Variants in SH3BP4 observed in about 807,000 individuals in gnomAD.
SH3BP4 encodes SH3 domain-binding protein 4.
A neutral mutation model predicts 65.5 loss-of-function variants in SH3BP4; 33 were observed. The observed-to-expected ratio is 0.50, with a 90% CI of 0.38 to 0.67. The LOEUF is 0.67. SH3BP4 is among the 30% of genes least tolerant of loss of function. The pLI is 0.00. For missense variants in SH3BP4, 1,134 were observed against 1,261.4 expected, an observed-to-expected ratio of 0.90 and a Z score of 1.53; for synonymous variants, 552 against 545.5, an observed-to-expected ratio of 1.01 and a Z score of -0.17.
At chr2:235,015,640 G>A (rs1310314392) in intron 2 of SH3BP4, among the ~76,000 whole-genome samples, 4 of 152,322 alleles carry the variant, frequency 2.6e-5, no homozygotes, top group South Asian at 2.1e-4. Flanking sequence ...GTGAGCCAGC[G>A]TTTCCCAGGC....
intron 1 of SH3BP4, among the ~76,000 whole-genome samples, chr2:234,957,359 T>C (rs751768494): frequency 7.9e-5 from 12 of 152,074 alleles, no homozygotes; most frequent in Non-Finnish European, 1.3e-4. Flanking sequence ...CATTACTAAA[T>C]AGTTAACAAT....
chr2:235,003,143 G>A (rs922679846), intron 2 of SH3BP4, among the ~76,000 whole-genome samples: 7 of 152,240 alleles, frequency 4.6e-5, no homozygotes, highest in East Asian at 1.9e-4. Flanking sequence ...GCTTCTGATC[G>A]AATAAGCCCA....
At chr2:235,003,895 G>C (rs937170035) in intron 2 of SH3BP4, among the ~76,000 whole-genome samples, 1 of 152,182 alleles carries the variant, frequency 6.6e-6, no homozygotes, top group Non-Finnish European at 1.5e-5. Context: ...GCTGGTTTGA[G>C]TTGGGTTTTG....
intron 1 of SH3BP4, among the ~76,000 whole-genome samples, chr2:234,954,536 T>C (rs1559221643): frequency 6.6e-6 from 1 of 152,186 alleles, no homozygotes; most frequent in South Asian, 2.1e-4. Context: ...CCTTGTCTGT[T>C]CATGTATTGT....
intron 3 of SH3BP4, among the ~76,000 whole-genome samples, chr2:235,038,377 A>AT (rs1559254657): frequency 6.4e-5 from 1 of 15,748 alleles, no homozygotes; most frequent in Admixed American, 7.6e-4. Flanking sequence ...ATATATATAC[A>AT]TATATATATA....
intron 2 of SH3BP4, among the ~76,000 whole-genome samples, chr2:235,001,160 T>C (rs1694084815): frequency 6.6e-6 from 1 of 152,228 alleles, no homozygotes; most frequent in Admixed American, 6.5e-5. Context: ...GCCTTGGTCT[T>C]CTGAAGGTAG....
intron 1 of SH3BP4, among the ~76,000 whole-genome samples, chr2:234,992,693 G>T (rs112669931): frequency 2.3e-5 from 3 of 129,358 alleles, no homozygotes; most frequent in South Asian, 2.9e-4. Context: ...GGAGATGGAC[G>T]CATTCCTGCT....
In SH3BP4 at chr2:235,043,158, C is replaced by A; in HGVS notation, c.2389C>A (p.Arg797=). 1 of 1,612,564 alleles carries A rather than the reference C, an allele frequency of 6.2e-7. No individual in the cohort carries two copies. The highest frequency in any genetic ancestry group is 8.5e-7 in the Non-Finnish European group (1 of 1,179,134). The change falls in exon 4 of 6, where the codon CGG becomes AGG. Residue 797 remains arginine, a synonymous_variant. Coordinates refer to ENST00000392011, the MANE Select transcript of SH3BP4 (RefSeq NM_014521.3). ...CRAELDSEPE[R]VASVLEKLKE... is the part of the protein sequence containing the mutation. ...GGCAGAGCTGGATAGTGAGCCCGAG[C>A]GGGTGGCGTCCGTCCTAGAAAAGCT...
intron 2 of SH3BP4, among the ~76,000 whole-genome samples, chr2:235,004,503 A>G (rs1694231208): frequency 6.6e-6 from 1 of 152,226 alleles, no homozygotes; most frequent in South Asian, 2.1e-4. Context: ...TCAACCCTAA[A>G]GGGCACCCAT....
chr2:234,991,761 C>T lies in SH3BP4; in HGVS notation c.-206-3542C>T, dbSNP rs1693754921. On this transcript the variant is annotated intron_variant, in intron 1 of 5. Coordinates refer to ENST00000392011, the MANE Select transcript of SH3BP4 (RefSeq NM_014521.3). The surrounding 1 kb of genome is among the most constrained non-coding windows in gnomAD (Gnocchi z 4.2). ...CAGGAGTTGGGGAAGTGGAAAGGGG[C>T]CAGCGGTCTTGTCCACTGAATCCAT... Among the ~76,000 whole-genome samples, 1 of 152,120 alleles carries T rather than the reference C, an allele frequency of 6.6e-6. No individual in the cohort carries two copies. Among genetic ancestry groups the T allele is most frequent in the African/African-American group, 2.4e-5 (1 of 41,404 alleles).
intron 3 of SH3BP4, among the ~76,000 whole-genome samples, chr2:235,038,287 ATAATATATATATTATAT>A (rs1695469140): frequency 5.9e-5 from 1 of 16,836 alleles, no homozygotes; most frequent in Non-Finnish European, 7.9e-5. Context: ...TATATTATAT[ATAATATATATATTATAT>A]ATATATATTA....
rs1181505823 is a variant in SH3BP4, at chr2:235,020,497, G to GA, written c.-132-14366dup. 3.3e-5 allele frequency among the ~76,000 whole-genome samples: 5 copies of GA among 151,584 alleles called. No individual in the cohort carries two copies. The South Asian group carries it at 6.3e-4, about 19-fold the overall frequency. ...GGGTGACAGAGCAAGACCCTGTCTG[G>GA]AAAAAAAAGAGCAGAAAAAATAAGT... On this transcript the variant is annotated intron_variant, in intron 2 of 5. Coordinates refer to ENST00000392011, the MANE Select transcript of SH3BP4 (RefSeq NM_014521.3).
At chr2:235,036,137 T>C (rs1269349324) in intron 3 of SH3BP4, among the ~76,000 whole-genome samples, 4 of 152,264 alleles carry the variant, frequency 2.6e-5, no homozygotes, top group Non-Finnish European at 5.9e-5. Flanking sequence ...GTCTGTCTAA[T>C]TGAGTAGCTT....
rs563352426 is a variant in SH3BP4, at chr2:234,983,917, C to G, written c.-206-11386C>G. On this transcript the variant is annotated intron_variant, in intron 1 of 5. Coordinates refer to ENST00000392011, the MANE Select transcript of SH3BP4 (RefSeq NM_014521.3). The stretch of plus-strand genomic sequence containing the variant: ...AGTGGGCCTGGTTTCAGATTTCCAG[C>G]CTCCAGAACTGTTGGAGAGTCAATG... Among the ~76,000 whole-genome samples, 4 of 152,330 alleles carry G rather than the reference C, an allele frequency of 2.6e-5. No individual in the cohort carries two copies. The East Asian group carries it at 7.7e-4, about 29-fold the overall frequency.
At chr2:235,053,495 A>G (rs1696128038) in intron 5 of SH3BP4, 97 bp from the exon 6 acceptor site, 4 of 855,680 alleles carry the variant, frequency 4.7e-6, no homozygotes, top group Non-Finnish European at 5.7e-6. Flanking sequence ...AATAGTGACT[A>G]CTGAAGCTGC....
At chr2:234,959,604 T>C (rs1692660608) in intron 1 of SH3BP4, among the ~76,000 whole-genome samples, 1 of 152,072 alleles carries the variant, frequency 6.6e-6, no homozygotes, top group Admixed American at 6.5e-5. Context: ...AGGTTTACCT[T>C]GCCTTTGTTT....
At chr2:234,963,253 T>C (rs1164803133) in intron 1 of SH3BP4, among the ~76,000 whole-genome samples, 3 of 152,230 alleles carry the variant, frequency 2.0e-5, no homozygotes, top group South Asian at 4.1e-4. Context: ...ATCTTTGATA[T>C]ATAGATTTTT....
chr2:235,034,884 G>A lies in SH3BP4; in HGVS notation c.-119G>A. On this transcript the variant is annotated 5_prime_UTR_variant, in exon 3 of 6. Transcript: ENST00000392011. This position sits in a 1 kb window ranked among gnomAD's most constrained non-coding sequence, Gnocchi z 6.2. ...CTCTACTTTCAGGAAGAAACATATT[G>A]CCGAGTGGATGCCGCCGCGCAGCGT... 2.6e-6 allele frequency: 2 copies of A among 764,136 alleles called. No homozygotes were observed. The highest frequency in any genetic ancestry group is 4.3e-6 in the Non-Finnish European group (2 of 463,202). The allele number at this position is 764,136 out of a possible 1,614,324, so 47.3% of individuals were successfully genotyped here. A position where few individuals can be genotyped will look rare whatever the true frequency, so the allele number is the denominator to read the frequency against.
At chr2:235,018,428 C>T (rs893803532) in intron 2 of SH3BP4, among the ~76,000 whole-genome samples, 2 of 152,214 alleles carry the variant, frequency 1.3e-5, no homozygotes, top group Middle Eastern at 3.4e-3. Flanking sequence ...GGAAAAGCTG[C>T]CACTTCCCTC....
Sources: gnomAD v4.1 joint callset for allele counts (sites outside exome capture counted in the v4.1 genomes callset) on GRCh38, gnomAD v4.1.1 for gene constraint, Gnocchi (gnomAD v3.1) non-coding constraint, MANE v1.5 for transcripts, NCBI Gene and HGNC (gene_info 2026-07-23, HGNC 2026-07-21) for gene names.